The following DGKK variants were observed in gnomAD, a reference collection of about 807,000 sequenced individuals.
DGKK encodes diacylglycerol kinase kappa.
A neutral mutation model predicts 92.2 loss-of-function variants in DGKK; 35 were observed. The ratio of observed to expected loss-of-function variants is 0.38; its 90% CI spans 0.29 to 0.50. The LOEUF (loss-of-function observed/expected upper bound fraction) is 0.50. Ranked by LOEUF, DGKK falls within the 20% of genes least tolerant of loss-of-function variation. DGKK has a pLI of 0.92. For synonymous variants in DGKK, 368 were observed against 360.6 expected, an observed-to-expected ratio of 1.02 and a Z score of -0.23; for missense variants, 910 against 992.2, an observed-to-expected ratio of 0.92 and a Z score of 1.11.
chrX:50,416,646 G>A (rs1925440994), intron 4 of DGKK, among the ~76,000 whole-genome samples: 1 of 111,667 alleles, frequency 9.0e-6, no homozygotes, highest in South Asian at 3.8e-4. Context: ...GAGTGTTAGG[G>A]CCTCCCAGGT....
intron 21 of DGKK, 110 bp downstream of exon 21, chrX:50,378,468 C>T: frequency 2.5e-6 from 2 of 800,881 alleles, no homozygotes; most frequent in Non-Finnish European, 3.6e-6. Flanking sequence ...ATAACCTGCT[C>T]ACTCCACCCT....
chrX:50,462,672 G>A (rs1046864888), intron 1 of DGKK, among the ~76,000 whole-genome samples: 2 of 108,345 alleles, frequency 1.8e-5, no homozygotes, highest in African/African-American at 6.7e-5. Flanking sequence ...TGGTGGAGGT[G>A]GGGGAGCATC....
intron 1 of DGKK, among the ~76,000 whole-genome samples, chrX:50,431,158 G>A (rs1200047289): frequency 2.7e-5 from 3 of 110,794 alleles, no homozygotes; most frequent in Non-Finnish European, 5.7e-5. Flanking sequence ...AGTCTCCTGA[G>A]TAGTCAAGAC....
chrX:50,415,044 C>T (rs1191989027), intron 4 of DGKK, among the ~76,000 whole-genome samples: 2 of 112,016 alleles, frequency 1.8e-5, no homozygotes, highest in African/African-American at 6.5e-5. Context: ...GCTGTCTCCA[C>T]GTCAATTTCA....
At chrX:50,462,396 T>G (rs1340127852) in intron 1 of DGKK, among the ~76,000 whole-genome samples, 1 of 106,758 alleles carries the variant, frequency 9.4e-6, no homozygotes, top group African/African-American at 3.4e-5. Context: ...AGTGCTTTTT[T>G]TTTTTTTTTT....
chrX:50,440,193 A>C (rs1398811874), intron 1 of DGKK, among the ~76,000 whole-genome samples: 6 of 112,022 alleles, frequency 5.4e-5, no homozygotes, highest in African/African-American at 1.9e-4. Flanking sequence ...GAGCTGCTAT[A>C]ATCTGCCATA....
rs1443834811 is a variant in DGKK at position 50,375,014 on chromosome X, T to C, written c.3458A>G (p.Lys1153Arg). 1 of 1,207,525 alleles carries C rather than the reference T, an allele frequency of 8.3e-7. No homozygotes were observed. The highest frequency in any genetic ancestry group is 1.1e-6 in the Non-Finnish European group (1 of 893,722). ...NDAVDVTFSL[K>R]GLYDDTTAFL... is the part of the protein sequence containing the mutation. ...AGCTGTGGTGTCATCGTAGAGACCT[T>C]TAAGACTAAATGTAACATCTACGGC... The change falls in exon 25 of 28, where the codon AAA becomes AGA. Residue 1153 changes from lysine to arginine, a missense_variant. Physicochemically the swap from Lys to Arg is conservative, Grantham distance 26. Transcript: ENST00000611977.
chrX:50,455,974 T>C (rs1926600901), intron 1 of DGKK, among the ~76,000 whole-genome samples: 1 of 112,238 alleles, frequency 8.9e-6, no homozygotes, highest in Non-Finnish European at 1.9e-5. Context: ...CTATGGTGTC[T>C]ACAATGTGAA....
chrX:50,384,731 C>T lies in DGKK; in HGVS notation c.2441G>A (p.Ser814Asn), dbSNP rs1442572882. ...EDDPEDINQT[S>N]PRRRSRRGTL... Reference sequence around the variant, plus strand: ...AGAAAGATCCTTACGGCGTCGTGGGCTTGTCTGGTTAATATCTTCTGGGTC... The same window carrying T: ...AGAAAGATCCTTACGGCGTCGTGGGTTTGTCTGGTTAATATCTTCTGGGTC... The change falls in exon 16 of 28, where the codon AGC becomes AAC. Residue 814 changes from serine to asparagine, a missense_variant. Ser to Asn is a conservative substitution (Grantham distance 46, BLOSUM62 1). Transcript: ENST00000611977. The T allele has an allele frequency of 7.5e-6, 9 of 1,207,177 alleles. No individual in the cohort carries two copies. Among genetic ancestry groups the T allele is most frequent in the Non-Finnish European group, 9.0e-6 (8 of 893,478 alleles).
At chrX:50,378,423 C>A (rs1397853843) in intron 21 of DGKK, among the ~76,000 whole-genome samples, 155 bp downstream of exon 21, 2 of 111,742 alleles carry the variant, frequency 1.8e-5, no homozygotes, top group Non-Finnish European at 3.8e-5. Context: ...GCCACCTCTG[C>A]CTCCAACCTC....
intron 4 of DGKK, among the ~76,000 whole-genome samples, chrX:50,416,422 T>C (rs1557228547): frequency 8.9e-6 from 1 of 112,296 alleles, no homozygotes; most frequent in Non-Finnish European, 1.9e-5. Flanking sequence ...AATGTGAGGA[T>C]TTAGTAATAT....
rs1924090634 is a variant in DGKK, at chrX:50,370,436, C to G, written c.3726G>C (p.Gln1242His). The change falls in exon 27 of 28, where the codon CAG becomes CAC. Residue 1242 changes from glutamine (Q) to histidine (H), a missense_variant. Gln to His is a conservative substitution (Grantham distance 24). Coordinates refer to ENST00000611977, the MANE Select transcript of DGKK (RefSeq NM_001013742.4). ...ERKPKSGQSV[Q>H]SFIGNLWHRR... ...GTGGGGGAGACTTACCAATAAAACT[C>G]TGGACACTCTGGCCTGATTTAGGCT... 1.7e-6 allele frequency: 2 copies of G among 1,190,761 alleles called. No individual in the cohort carries two copies. The highest frequency in any genetic ancestry group is 1.1e-6 in the Non-Finnish European group (1 of 884,282).
intron 1 of DGKK, among the ~76,000 whole-genome samples, chrX:50,461,138 A>G (rs1404699955): frequency 1.8e-5 from 2 of 112,371 alleles, no homozygotes; most frequent in African/African-American, 6.5e-5. Context: ...CATAAAATCT[A>G]TATACTTACT....
Position 50,390,316 on chromosome X carries a change from A to T in DGKK, c.1926+12T>A. ...AAGATATTGGTCTGAATTACAGCTGAACAGTAGTTACCTCAAATCGTGGTA... is the reference window on the plus strand; with the variant it reads ...AAGATATTGGTCTGAATTACAGCTGTACAGTAGTTACCTCAAATCGTGGTA... On this transcript the variant is annotated intron_variant, in intron 12 of 27. Coordinates refer to ENST00000611977, the MANE Select transcript of DGKK (RefSeq NM_001013742.4). The T allele has an allele frequency of 8.3e-7, 1 of 1,206,049 alleles. No homozygotes were observed. The highest frequency in any genetic ancestry group is 3.0e-5 in the East Asian group (1 of 33,791).
At chrX:50,457,791 T>C (rs1557232997) in intron 1 of DGKK, among the ~76,000 whole-genome samples, 2 of 111,782 alleles carry the variant, frequency 1.8e-5, no homozygotes, top group African/African-American at 3.3e-5. Context: ...TTACCACATA[T>C]TTTTAGTTAT....
intron 1 of DGKK, among the ~76,000 whole-genome samples, chrX:50,433,843 C>T (rs1557230526): frequency 9.0e-6 from 1 of 111,240 alleles, no homozygotes; most frequent in African/African-American, 3.3e-5. Flanking sequence ...GTTTTGGTCA[C>T]ACAAAGTTCC....
intron 4 of DGKK, among the ~76,000 whole-genome samples, chrX:50,409,945 G>A (rs1479305290): frequency 9.0e-6 from 1 of 111,273 alleles, no homozygotes; most frequent in African/African-American, 3.3e-5. Flanking sequence ...ACCAGGAAGT[G>A]GGTCTTCACC....
chrX:50,371,008 C>G (rs1266906963), intron 26 of DGKK, among the ~76,000 whole-genome samples: 3 of 112,444 alleles, frequency 2.7e-5, no homozygotes, highest in Admixed American at 1.9e-4. Flanking sequence ...GGCCAAATAC[C>G]TTCTTATAGG....
rs782097307 is a variant in DGKK at position 50,431,226 on chromosome X, C to T, written c.646-6868G>A. Among the ~76,000 whole-genome samples, 14 of 111,174 alleles carry T rather than the reference C, an allele frequency of 1.3e-4. No homozygotes were observed. In the South Asian group the frequency reaches 5.4e-3, roughly 43 times the overall value. ...TTTCATCTTTTTGTAAAGACAGTCT[C>T]GCTATGTTGCCCAGGCTGGTCTTGA... On this transcript the variant is annotated intron_variant, in intron 1 of 27. Coordinates refer to ENST00000611977, the MANE Select transcript of DGKK (RefSeq NM_001013742.4).
Sources: allele counts gnomAD v4.1 joint callset (sites outside exome capture counted in the v4.1 genomes callset), GRCh38; gene constraint gnomAD v4.1.1; transcripts MANE v1.5; gene names NCBI Gene and HGNC (gene_info 2026-07-23, HGNC 2026-07-21).